The following HCN4 variants were observed in gnomAD, a reference collection of about 807,000 sequenced individuals.
HCN4 encodes the protein potassium/sodium hyperpolarization-activated cyclic nucleotide-gated channel 4.
HCN4 carries 29 observed loss-of-function variants against 76.9 expected under a neutral mutation model. That is an observed-to-expected ratio of 0.38 (90% CI 0.28 to 0.51). The LOEUF is 0.51. Among genes scored for constraint, HCN4 ranks in the 20% least tolerant of loss-of-function variants. The pLI is 0.90. For synonymous variants in HCN4, 772 were observed against 762.5 expected, an observed-to-expected ratio of 1.01 and a Z score of -0.21; for missense variants, 1,416 against 1,715.2, an observed-to-expected ratio of 0.83 and a Z score of 3.08.
chr15:73,355,609 C>CA (rs2043074790), intron 1 of HCN4, among the ~76,000 whole-genome samples: 1 of 152,216 alleles, frequency 6.6e-6, no homozygotes, highest in Non-Finnish European at 1.5e-5. Flanking sequence ...AAAGGGACTG[C>CA]AACCGCACCT....
intron 1 of HCN4, among the ~76,000 whole-genome samples, chr15:73,346,335 G>GCT (rs2043029680): frequency 6.6e-6 from 1 of 152,180 alleles, no homozygotes; most frequent in South Asian, 2.1e-4. Flanking sequence ...TACCTGACTA[G>GCT]CAGCACTGTC....
chr15:73,363,529 T>C (rs965734019), intron 1 of HCN4, among the ~76,000 whole-genome samples: 1 of 152,182 alleles, frequency 6.6e-6, no homozygotes, highest in African/African-American at 2.4e-5. Flanking sequence ...AGAGAGGGGT[T>C]CACAACCTTG....
intron 2 of HCN4, among the ~76,000 whole-genome samples, chr15:73,339,237 G>A (rs3784806): frequency 0.36 from 54,639 of 152,144 alleles, 11,322 homozygotes; most frequent in Middle Eastern, 0.46. Context: ...GGCTCGGGAG[G>A]GAGTCTGCTG....
Position 73,322,378 on chromosome 15 carries a change from AAAT to A in HCN4, c.*100_*102del. On this transcript the variant is annotated 3_prime_UTR_variant, in exon 8 of 8. Transcript: ENST00000261917. ...GTTTTTCTGGTGTGTGTGGTTTTTT[AAAT>A]AATTATTACTGTTATTGGTATATCT... The A allele has an allele frequency of 1.0e-6, 1 of 980,142 alleles. No individual in the cohort carries two copies. Among genetic ancestry groups the A allele is most frequent in the Non-Finnish European group, 1.6e-6 (1 of 630,176 alleles). 60.7% of individuals were successfully genotyped at this position (980,142 alleles called of 1,614,324 possible).
chr15:73,347,307 T>G (rs2043033911), intron 1 of HCN4, among the ~76,000 whole-genome samples: 1 of 152,168 alleles, frequency 6.6e-6, no homozygotes, highest in African/African-American at 2.4e-5. Flanking sequence ...TCTCTGGGAC[T>G]CCAGAGTTTG....
Position 73,340,742 on chromosome 15 carries a change from G to A in HCN4, c.1209+2643C>T, listed in dbSNP as rs140829342. On this transcript the variant is annotated intron_variant, in intron 2 of 7. Coordinates refer to ENST00000261917, the MANE Select transcript of HCN4 (RefSeq NM_005477.3). Reference sequence around the variant, plus strand: ...GTCGTCCTAGTCCTTTGATCCCAGCGCCCACCCAGGCCAGCACAGGTGGGT... The same window carrying A: ...GTCGTCCTAGTCCTTTGATCCCAGCACCCACCCAGGCCAGCACAGGTGGGT... Among the ~76,000 whole-genome samples, 1,403 of 152,302 alleles carry A rather than the reference G, an allele frequency of 9.2e-3. 11 individuals carry two copies. The highest frequency in any genetic ancestry group is 0.014 in the Non-Finnish European group (958 of 68,020).
intron 1 of HCN4, among the ~76,000 whole-genome samples, chr15:73,362,247 C>T (rs1049567760): frequency 2.6e-5 from 4 of 152,230 alleles, no homozygotes; most frequent in African/African-American, 4.8e-5. Context: ...CACCCTGCCA[C>T]GCTGAGCTTG....
At chr15:73,352,138 A>G (rs947616990) in intron 1 of HCN4, among the ~76,000 whole-genome samples, 5 of 152,244 alleles carry the variant, frequency 3.3e-5, no homozygotes, top group African/African-American at 1.2e-4. Flanking sequence ...GACTCTCTGA[A>G]GTCGGCGCAG....
rs1181113092 is a variant in HCN4, at chr15:73,323,725, A to G, written c.2368T>C (p.Ser790Pro). 1.2e-6 allele frequency: 2 copies of G among 1,602,714 alleles called. No individual in the cohort carries two copies. The highest frequency in any genetic ancestry group is 2.7e-5 in the African/African-American group (2 of 74,786). Residue 790 changes from serine (S) to proline (P), a missense_variant, in exon 8 of 8, where the codon TCT (serine) becomes CCT (proline). Around this residue, in one of 6 missense-constraint regions of HCN4, gnomAD observed 633 missense variants for 579.8 expected, o/e 1.09. Coordinates refer to ENST00000261917, the MANE Select transcript of HCN4 (RefSeq NM_005477.3). The stretch of plus-strand genomic sequence containing the variant: ...TGGTGGGTGAGGGCTATGGCCACAG[A>G]AGTGGTGGCAGCGGCAGCCTGCAGT... ...APLQAAAATT[S>P]VAIALTHHPR...
At position 73,343,637 on chromosome 15, in the gene HCN4, C is replaced by G; in HGVS notation, c.957G>C (p.Val319=). 6.2e-7 allele frequency: 1 copy of G among 1,614,172 alleles called. No homozygotes were observed. Reference sequence around the variant, plus strand: ...GGATGATCTCTGTGTTGTCCTCCACCACGATCCCTGTGCGGAAGTTGAGGA... The same window carrying G: ...GGATGATCTCTGTGTTGTCCTCCACGACGATCCCTGTGCGGAAGTTGAGGA... ...DLVLNFRTGI[V]VEDNTEIILD... The change falls in exon 2 of 8, where the codon GTG becomes GTC. Residue 319 remains valine, a synonymous_variant. Coordinates refer to ENST00000261917, the MANE Select transcript of HCN4 (RefSeq NM_005477.3). The surrounding 1 kb of genome is among the most constrained non-coding windows in gnomAD (Gnocchi z 5.7).
rs141520810 is a variant in HCN4 at position 73,332,549 on chromosome 15, T to A, written c.1210-257A>T. On this transcript the variant is annotated intron_variant, in intron 2 of 7. Coordinates refer to ENST00000261917, the MANE Select transcript of HCN4 (RefSeq NM_005477.3). ...AGATGGGGGGTCTTCCTGAAAGGTC[T>A]AGCCATCCAGGACATGTGGAAGGAC... Among the ~76,000 whole-genome samples the A allele has an allele frequency of 2.2e-3, 342 of 152,284 alleles. 2 individuals are homozygous for A. Among genetic ancestry groups the A allele is most frequent in the African/African-American group, 7.9e-3 (327 of 41,572 alleles).
intron 1 of HCN4, among the ~76,000 whole-genome samples, chr15:73,358,310 C>G (rs2043090271): frequency 6.6e-6 from 1 of 152,206 alleles, no homozygotes; most frequent in Admixed American, 6.5e-5. Context: ...TCTTTCCTGT[C>G]TTTGGGGAAA....
intron 2 of HCN4, among the ~76,000 whole-genome samples, chr15:73,334,761 C>A (rs1345280425): frequency 6.6e-6 from 1 of 152,150 alleles, no homozygotes; most frequent in African/African-American, 2.4e-5. Context: ...AACTAGCTAG[C>A]AAAGTGCTCT....
Position 73,323,049 on chromosome 15 carries a change from GA to G in HCN4, c.3043del (p.Ser1015ProfsTer3). On this transcript the variant is annotated frameshift_variant, in exon 8 of 8. Coordinates refer to ENST00000261917, the MANE Select transcript of HCN4 (RefSeq NM_005477.3). LOFTEE classifies it high-confidence loss of function. ...SLVAGASGGA[S>X]PVGFTPRGGL... Reference sequence around the variant, plus strand: ...TCCTCGGGGAGTAAAGCCTACAGGGGAAGCCCCCCCAGAGGCCCCTGCCACA... The same window carrying G: ...TCCTCGGGGAGTAAAGCCTACAGGGGAGCCCCCCCAGAGGCCCCTGCCACA... 1 of 1,526,524 alleles carries G rather than the reference GA, an allele frequency of 6.6e-7. No individual in the cohort carries two copies. The highest frequency in any genetic ancestry group is 8.7e-7 in the Non-Finnish European group (1 of 1,142,966). The allele number at this position is 1,526,524 out of a possible 1,614,324, so 94.6% of individuals were successfully genotyped here.
chr15:73,352,540 G>T (rs926695624), intron 1 of HCN4, among the ~76,000 whole-genome samples: 1 of 152,204 alleles, frequency 6.6e-6, no homozygotes, highest in African/African-American at 2.4e-5. Flanking sequence ...GGGGCCTGGG[G>T]TCTCTGACAG....
At chr15:73,329,208 C>T (rs563998464) in intron 4 of HCN4, among the ~76,000 whole-genome samples, 200 of 152,216 alleles carry the variant, frequency 1.3e-3, no homozygotes, top group Admixed American at 2.2e-3. Flanking sequence ...GGGGCAGGAG[C>T]AACACCGCGA....
chr15:73,344,083 C>T (rs758122874), intron 1 of HCN4, among the ~76,000 whole-genome samples: 1 of 152,200 alleles, frequency 6.6e-6, no homozygotes, highest in Non-Finnish European at 1.5e-5. Flanking sequence ...ATCCCCAGCC[C>T]GCAGTAAGAG....
Position 73,341,507 on chromosome 15 carries a change from G to A in HCN4, c.1209+1878C>T, listed in dbSNP as rs918917313. 5.6e-4 allele frequency among the ~76,000 whole-genome samples: 85 copies of A among 152,250 alleles called. 1 individual carries two copies. The highest frequency in any genetic ancestry group is 1.3e-4 in the Non-Finnish European group (9 of 68,014). On this transcript the variant is annotated intron_variant, in intron 2 of 7. Coordinates refer to ENST00000261917, the MANE Select transcript of HCN4 (RefSeq NM_005477.3). ...CATGCTAAGGCTTTATAAACATCAGGTACAACTTATACCTATTTTGCAGAT... is the reference window on the plus strand; with the variant it reads ...CATGCTAAGGCTTTATAAACATCAGATACAACTTATACCTATTTTGCAGAT...
chr15:73,322,306 A>G lies in HCN4; in HGVS notation c.*175T>C, dbSNP rs2042863937. 6.4e-6 allele frequency: 4 copies of G among 622,808 alleles called. No homozygotes were observed. The South Asian group carries it at 7.2e-5, about 11-fold the overall frequency. 38.6% of individuals were successfully genotyped at this position (622,808 alleles called of 1,614,324 possible). On this transcript the variant is annotated 3_prime_UTR_variant, in exon 8 of 8. Transcript: ENST00000261917. Reference sequence around the variant, plus strand: ...AAATAGTCTATAAAAGCAAGTGACCAAAAATCTATAGCTCTAAGAATACCT... The same window carrying G: ...AAATAGTCTATAAAAGCAAGTGACCGAAAATCTATAGCTCTAAGAATACCT...
Sources: allele counts gnomAD v4.1 joint callset (sites outside exome capture counted in the v4.1 genomes callset), GRCh38; gene constraint gnomAD v4.1.1; regional missense constraint gnomAD v4.1.1; non-coding constraint Gnocchi (gnomAD v3.1); transcripts MANE v1.5; gene names NCBI Gene and HGNC (gene_info 2026-07-23, HGNC 2026-07-21).